CFAP92: variants seen among roughly 807,000 people sequenced by gnomAD.
CFAP92 encodes the protein cilia and flagella associated protein 92 (putative).
CFAP92 carries 86 observed loss-of-function variants against 106.3 expected under a neutral mutation model. The observed-to-expected ratio is 0.81, with a 90% CI of 0.68 to 0.97. CFAP92 has a LOEUF of 0.97. Among genes scored for constraint, CFAP92 ranks in the 50% least tolerant of loss-of-function variants. CFAP92 has a pLI of 0.00. For missense variants in CFAP92, 1,204 were observed against 1,283.8 expected, an observed-to-expected ratio of 0.94 and a Z score of 0.95; for synonymous variants, 477 against 506.4, an observed-to-expected ratio of 0.94 and a Z score of 0.78.
intron 15 of CFAP92, chr3:128,913,108 ACT>A (rs922523140): frequency 6.7e-6 from 3 of 448,932 alleles, no homozygotes; most frequent in African/African-American, 6.0e-5. Context: ...CAATCTGTGT[ACT>A]GTTAGCCTTT....
In CFAP92 at chr3:128,909,893, G is replaced by A; in HGVS notation, c.*406C>T. On this transcript the variant is annotated 3_prime_UTR_variant, in exon 16 of 16. Transcript: ENST00000645291. ...CGTTCTCCCACAACCTGAAGAGAAA[G>A]GTGTTATTGACTCCACTTTCTCAAG... is the stretch of plus-strand genomic sequence containing the variant. The A allele has an allele frequency of 7.7e-7, 1 of 1,296,872 alleles. No individual in the cohort carries two copies. The highest frequency in any genetic ancestry group is 1.1e-6 in the Non-Finnish European group (1 of 914,388). The allele number at this position is 1,296,872 out of a possible 1,614,324, so 80.3% of individuals were successfully genotyped here.
At chr3:128,935,352 C>G in intron 10 of CFAP92, 33 bp from the exon 11 acceptor site, 5 of 1,424,952 alleles carry the variant, frequency 3.5e-6, no homozygotes, top group Non-Finnish European at 4.7e-6. Context: ...AGCTAACTTG[C>G]ATGGCAGCTT....
intron 10 of CFAP92, among the ~76,000 whole-genome samples, chr3:128,939,575 A>G (rs1467280321): frequency 2.0e-5 from 3 of 152,024 alleles, no homozygotes; most frequent in Non-Finnish European, 2.9e-5. Context: ...ATCACCTCAA[A>G]AAGAAACCCC....
upstream of CFAP92, among the ~76,000 whole-genome samples, chr3:129,004,957 C>A (rs928089730): frequency 6.6e-6 from 1 of 152,194 alleles, no homozygotes; most frequent in African/African-American, 2.4e-5. Context: ...AGATTGGGGT[C>A]CCTGCCTGTG....
Position 128,909,875 on chromosome 3 carries a change from C to A in CFAP92, c.*424G>T, listed in dbSNP as rs961933913. ...CAGAAGGTGGCTGGGAGCCGTTCTC[C>A]CACAACCTGAAGAGAAAGGTGTTAT... On this transcript the variant is annotated 3_prime_UTR_variant, in exon 16 of 16. Transcript: ENST00000645291. The A allele has an allele frequency of 5.0e-6, 6 of 1,192,032 alleles. No individual in the cohort carries two copies. In the African/African-American group the frequency reaches 9.0e-5, roughly 18 times the overall value. 73.8% of individuals were successfully genotyped at this position (1,192,032 alleles called of 1,614,324 possible).
chr3:128,946,379 C>T (rs894541008), intron 9 of CFAP92, among the ~76,000 whole-genome samples: 1 of 152,030 alleles, frequency 6.6e-6, no homozygotes, highest in African/African-American at 2.4e-5. Context: ...ATCTGGGGGT[C>T]GACACAGACC....
At chr3:129,022,217 C>A in the CFAP92 span, among the ~76,000 whole-genome samples, 1 of 152,192 alleles carries the variant, frequency 6.6e-6, no homozygotes, top group African/African-American at 2.4e-5. Context: ...TCATTTCATC[C>A]TCATAGGACC....
intron 9 of CFAP92, among the ~76,000 whole-genome samples, chr3:128,964,835 C>T (rs1405321068): frequency 3.3e-5 from 5 of 152,186 alleles, no homozygotes; most frequent in Non-Finnish European, 7.3e-5. Context: ...CCCCTAATCC[C>T]GCTTGAAGCA....
At chr3:129,016,522 A>G in the CFAP92 span, among the ~76,000 whole-genome samples, 8 of 146,868 alleles carry the variant, frequency 5.4e-5, no homozygotes, top group African/African-American at 2.0e-4. Flanking sequence ...CCTCTGGGGA[A>G]GCCCATAAGC....
intron 15 of CFAP92, chr3:128,912,850 T>A (rs1182323257): frequency 1.5e-6 from 1 of 664,634 alleles, no homozygotes; most frequent in African/African-American, 1.8e-5. Flanking sequence ...ATGGAATTGC[T>A]GACCCCTGGA....
chr3:128,982,433 G>C (rs1467007170), intron 4 of CFAP92, among the ~76,000 whole-genome samples: 1 of 152,190 alleles, frequency 6.6e-6, no homozygotes, highest in Non-Finnish European at 1.5e-5. Context: ...TAATATTGTG[G>C]CTGGTGTGAT....
Position 128,945,895 on chromosome 3 carries a change from G to A in CFAP92, c.1434C>T (p.Thr478=), listed in dbSNP as rs773369838. The A allele has an allele frequency of 1.0e-5, 15 of 1,465,292 alleles. No individual in the cohort carries two copies. The South Asian group carries it at 2.1e-4, about 21-fold the overall frequency. The allele number at this position is 1,465,292 out of a possible 1,614,324, so 90.8% of individuals were successfully genotyped here. A position where few individuals can be genotyped will look rare whatever the true frequency, so the allele number is the denominator to read the frequency against. ...VHKTKGEPHG[T]HVYFQDINVI... Reference sequence around the variant, plus strand: ...CGTTGATGTCCTGGAAATAAACGTGGGTTCCATGGGGCTCCCCCTTGGTCT... The same window carrying A: ...CGTTGATGTCCTGGAAATAAACGTGAGTTCCATGGGGCTCCCCCTTGGTCT... The change falls in exon 10 of 16, where the codon ACC becomes ACT. Residue 478 remains threonine, a synonymous_variant. Coordinates refer to ENST00000645291, the MANE Select transcript of CFAP92 (RefSeq NM_001394090.1).
chr3:128,945,109 G>A lies in CFAP92; in HGVS notation c.2220C>T (p.Asp740=). 1.3e-6 allele frequency: 2 copies of A among 1,533,700 alleles called. No homozygotes were observed. Among genetic ancestry groups the A allele is most frequent in the Admixed American group, 2.0e-5 (1 of 50,858 alleles). The change falls in exon 10 of 16, where the codon GAC becomes GAT. Residue 740 remains aspartate (D), a synonymous_variant. Transcript: ENST00000645291. ...TCTCCCACAGCTGCCTCAAGCCTTG[G>A]TCGGCCAGGCCTTCCAGGATGAAAA... The part of the protein sequence containing the change: ...THLFILEGLA[D]QGLRQLWENH...
At chr3:128,912,217 GTGGGCTGGAATCACAGA>G (rs746447827) in intron 15 of CFAP92, among the ~76,000 whole-genome samples, 4 of 152,222 alleles carry the variant, frequency 2.6e-5, no homozygotes, top group Non-Finnish European at 4.4e-5. Flanking sequence ...TTCTCCTCCA[GTGGGCTGGAATCACAGA>G]TGGGCTGTTT....
At chr3:128,975,574 G>A (rs1377118398) in intron 7 of CFAP92, among the ~76,000 whole-genome samples, 1 of 151,972 alleles carries the variant, frequency 6.6e-6, no homozygotes, top group African/African-American at 2.4e-5. Flanking sequence ...ACAGATAGAT[G>A]AATGGATGGA....
chr3:128,950,348 T>C (rs1322279435), intron 9 of CFAP92, among the ~76,000 whole-genome samples: 1 of 152,192 alleles, frequency 6.6e-6, no homozygotes, highest in Non-Finnish European at 1.5e-5. Flanking sequence ...AAAGCTCGCC[T>C]TTTAGGTCTG....
the CFAP92 span, among the ~76,000 whole-genome samples, chr3:129,016,826 C>T: frequency 1.3e-5 from 2 of 152,170 alleles, no homozygotes; most frequent in African/African-American, 4.8e-5. Flanking sequence ...ATCTGTACAA[C>T]CTTATTGCAC....
chr3:128,934,152 G>C (rs550053885), intron 11 of CFAP92, among the ~76,000 whole-genome samples: 6 of 152,026 alleles, frequency 3.9e-5, no homozygotes, highest in Non-Finnish European at 8.8e-5. Flanking sequence ...TGTCATCTCT[G>C]CTTCTGAACT....
intron 9 of CFAP92, among the ~76,000 whole-genome samples, chr3:128,960,076 A>G (rs1428730526): frequency 6.6e-6 from 1 of 152,190 alleles, no homozygotes; most frequent in African/African-American, 2.4e-5. Context: ...TGCCCACCAG[A>G]GAACAACCCC....
Sources: allele counts gnomAD v4.1 joint callset (sites outside exome capture counted in the v4.1 genomes callset), GRCh38; gene constraint gnomAD v4.1.1; transcripts MANE v1.5; gene names NCBI Gene and HGNC (gene_info 2026-07-23, HGNC 2026-07-21).